NEGR1: variants seen among roughly 807,000 people sequenced by gnomAD.
NEGR1 encodes the protein IgLON family member 4.
A neutral mutation model predicts 40.9 loss-of-function variants in NEGR1; 10 were observed. The observed-to-expected ratio is 0.24, with a 90% CI of 0.15 to 0.42. The LOEUF (loss-of-function observed/expected upper bound fraction) is 0.42, where lower values mean the gene tolerates loss of function less well. Ranked by LOEUF, NEGR1 falls within the 10% of genes least tolerant of loss-of-function variation. The pLI is 1.00. For missense variants in NEGR1, 352 were observed against 438.9 expected, an observed-to-expected ratio of 0.80 and a Z score of 1.77; for synonymous variants, 185 against 166.8, an observed-to-expected ratio of 1.11 and a Z score of -0.84.
intron 1 of NEGR1, among the ~76,000 whole-genome samples, chr1:72,192,206 G>A (rs1345318210): frequency 6.6e-6 from 1 of 151,730 alleles, no homozygotes; most frequent in Non-Finnish European, 1.5e-5. Flanking sequence ...AATCTGGAGG[G>A]CACTTGTCCT....
chr1:71,975,469 A>G (rs1172042832), intron 1 of NEGR1, among the ~76,000 whole-genome samples: 1 of 152,224 alleles, frequency 6.6e-6, no homozygotes, highest in East Asian at 1.9e-4. Flanking sequence ...GAGCTCTGCC[A>G]CTTCAATGGA....
intron 2 of NEGR1, among the ~76,000 whole-genome samples, chr1:71,916,427 G>GA (rs1289587437): frequency 3.9e-5 from 6 of 152,090 alleles, no homozygotes; most frequent in African/African-American, 1.4e-4. Context: ...ATGAAACACT[G>GA]AAAATGTAAA....
chr1:71,542,590 C>T (rs185566780), intron 6 of NEGR1, among the ~76,000 whole-genome samples: 1 of 151,684 alleles, frequency 6.6e-6, no homozygotes, highest in African/African-American at 2.4e-5. Context: ...CCAAATCATA[C>T]AGCCAGTATA....
At chr1:71,988,545 C>CAAAAAAA (rs1197884975) in intron 1 of NEGR1, among the ~76,000 whole-genome samples, 34 of 39,734 alleles carry the variant, frequency 8.6e-4, no homozygotes, top group Non-Finnish European at 1.1e-3. Context: ...GACTCCGTCT[C>CAAAAAAA]AAAAAAAAAA....
At chr1:72,242,760 G>C (rs1391197175) in intron 1 of NEGR1, among the ~76,000 whole-genome samples, 1 of 151,574 alleles carries the variant, frequency 6.6e-6, no homozygotes, top group African/African-American at 2.4e-5. Context: ...TCATTTGTCT[G>C]ATGAGTAAAT....
intron 1 of NEGR1, among the ~76,000 whole-genome samples, chr1:71,960,666 T>A (rs1646157525): frequency 6.6e-6 from 1 of 152,160 alleles, no homozygotes; most frequent in Admixed American, 6.5e-5. Flanking sequence ...AGCATTCCCA[T>A]GAACATTAGT....
chr1:71,586,565 G>A (rs1205000449), intron 6 of NEGR1, among the ~76,000 whole-genome samples: 1 of 152,022 alleles, frequency 6.6e-6, no homozygotes, highest in African/African-American at 2.4e-5. Context: ...CTAAAGCTCC[G>A]CTAACTGATA....
At chr1:72,258,492 G>C (rs1655350503) in intron 1 of NEGR1, among the ~76,000 whole-genome samples, 1 of 152,094 alleles carries the variant, frequency 6.6e-6, no homozygotes, top group Admixed American at 6.6e-5. Flanking sequence ...AGTGAAAAAA[G>C]CTGTAGAAAA....
intron 4 of NEGR1, among the ~76,000 whole-genome samples, chr1:71,638,089 A>C (rs1329422465): frequency 6.6e-6 from 1 of 152,070 alleles, no homozygotes; most frequent in Non-Finnish European, 1.5e-5. Context: ...GAATTGTCTC[A>C]CTCAGAAATT....
intron 1 of NEGR1, among the ~76,000 whole-genome samples, chr1:72,257,923 T>C (rs772213502): frequency 3.3e-5 from 5 of 152,196 alleles, no homozygotes; most frequent in Admixed American, 1.3e-4. Context: ...TCTAAACTTC[T>C]CTAACTTGGA....
chr1:72,273,165 G>T (rs1470316669), intron 1 of NEGR1, among the ~76,000 whole-genome samples: 2 of 151,966 alleles, frequency 1.3e-5, no homozygotes, highest in Non-Finnish European at 2.9e-5. Flanking sequence ...ATAAAGTACT[G>T]CTGACCTACC....
chr1:71,999,633 A>ATC (rs1491568418), intron 1 of NEGR1, among the ~76,000 whole-genome samples: 21 of 8,230 alleles, frequency 2.6e-3, no homozygotes, highest in African/African-American at 7.4e-3. Flanking sequence ...AGCAAAGCAA[A>ATC]TATATATATA....
chr1:71,529,897 G>A (rs1431007873), intron 6 of NEGR1, among the ~76,000 whole-genome samples: 1 of 151,038 alleles, frequency 6.6e-6, no homozygotes, highest in African/African-American at 2.4e-5. Context: ...GAATAATGAT[G>A]TTAATAATTC....
At chr1:72,149,543 C>G (rs1651038137) in intron 1 of NEGR1, among the ~76,000 whole-genome samples, 1 of 152,002 alleles carries the variant, frequency 6.6e-6, no homozygotes, top group Admixed American at 6.6e-5. Context: ...CTCAAGGAAC[C>G]ATGAAGCACA....
At chr1:71,845,908 T>A (rs543756846) in intron 2 of NEGR1, among the ~76,000 whole-genome samples, 112 of 147,922 alleles carry the variant, frequency 7.6e-4, no homozygotes, top group African/African-American at 2.5e-3. Context: ...TACAAGGGCA[T>A]GCCACGGCAC....
At chr1:71,728,182 T>C (rs1487590054) in intron 3 of NEGR1, among the ~76,000 whole-genome samples, 1 of 152,176 alleles carries the variant, frequency 6.6e-6, no homozygotes, top group Non-Finnish European at 1.5e-5. Context: ...GGGTTGCTTA[T>C]ATAGGCAACG....
At chr1:71,843,889 G>T (rs925659452) in intron 2 of NEGR1, among the ~76,000 whole-genome samples, 2 of 152,078 alleles carry the variant, frequency 1.3e-5, no homozygotes, top group African/African-American at 4.8e-5. Flanking sequence ...TAATTGGCAG[G>T]AAATGTAAAG....
At chr1:71,478,605 TC>T (rs1429032299) in intron 6 of NEGR1, among the ~76,000 whole-genome samples, 1 of 151,992 alleles carries the variant, frequency 6.6e-6, no homozygotes, top group Non-Finnish European at 1.5e-5. Flanking sequence ...ACTTAACACA[TC>T]AGCATATCCT....
intron 6 of NEGR1, among the ~76,000 whole-genome samples, chr1:71,476,356 A>T (rs1007949533): frequency 6.6e-6 from 1 of 152,142 alleles, no homozygotes; most frequent in Non-Finnish European, 1.5e-5. Flanking sequence ...GCAATATATG[A>T]CTATTCACAT....
Sources: allele counts gnomAD v4.1 joint callset (sites outside exome capture counted in the v4.1 genomes callset), GRCh38; gene constraint gnomAD v4.1.1; transcripts MANE v1.5; gene names NCBI Gene and HGNC (gene_info 2026-07-23, HGNC 2026-07-21).